The following RAD51B variants were observed in gnomAD, a reference collection of about 807,000 sequenced individuals.
RAD51B encodes the protein RAD51 paralog B.
Under a neutral mutation model 42.2 loss-of-function variants are expected in RAD51B, and 38 were observed. That is an observed-to-expected ratio of 0.90 (90% confidence interval 0.70 to 1.18). The LOEUF is 1.18. Ranked by LOEUF, RAD51B falls within the 50% of genes most tolerant of loss-of-function variation. The pLI is 0.00. For missense variants in RAD51B, 373 were observed against 400.7 expected (o/e 0.93, Z 0.59); for synonymous variants, 154 against 145.2 (o/e 1.06, Z -0.43).
intron 7 of RAD51B, among the ~76,000 whole-genome samples, chr14:68,108,262 C>T (rs2077406571): frequency 6.6e-6 from 1 of 151,904 alleles, no homozygotes; most frequent in South Asian, 2.1e-4. Flanking sequence ...GGCAATTCCA[C>T]ACCTAGGTAT....
intron 8 of RAD51B, among the ~76,000 whole-genome samples, chr14:68,352,437 T>C (rs1227810608): frequency 1.3e-5 from 2 of 152,254 alleles, no homozygotes; most frequent in Non-Finnish European, 2.9e-5. Context: ...TCTTCCACCT[T>C]ACCAATAGGT....
chr14:67,872,094 T>C (rs990088033), intron 5 of RAD51B, among the ~76,000 whole-genome samples: 26 of 151,172 alleles, frequency 1.7e-4, no homozygotes, highest in African/African-American at 5.1e-4. Context: ...TCAGGGCAAT[T>C]AGGCAGGAGA....
intron 8 of RAD51B, among the ~76,000 whole-genome samples, chr14:68,324,660 T>C (rs2082216789): frequency 6.6e-6 from 1 of 152,212 alleles, no homozygotes; most frequent in Non-Finnish European, 1.5e-5. Context: ...AATATAAAGT[T>C]TTTTTCTAGA....
At chr14:68,579,429 A>C (rs1890113555) in intron 10 of RAD51B, among the ~76,000 whole-genome samples, 1 of 152,244 alleles carries the variant, frequency 6.6e-6, no homozygotes, top group South Asian at 2.1e-4. Context: ...TCTTTGACCA[A>C]GTCCTGGGAG....
chr14:68,072,962 A>G (rs569225091), intron 7 of RAD51B, among the ~76,000 whole-genome samples: 62 of 152,282 alleles, frequency 4.1e-4, no homozygotes, highest in African/African-American at 1.4e-3. Flanking sequence ...TGTGTGGTCA[A>G]TTTTACAGTA....
intron 7 of RAD51B, among the ~76,000 whole-genome samples, chr14:68,211,911 C>G (rs1595558537): frequency 6.6e-6 from 1 of 152,184 alleles, no homozygotes; most frequent in African/African-American, 2.4e-5. Context: ...ATAGCAAATG[C>G]CTCCTATTAT....
At chr14:68,635,823 T>C (rs1208455440) in intron 10 of RAD51B, among the ~76,000 whole-genome samples, 4 of 152,196 alleles carry the variant, frequency 2.6e-5, no homozygotes, top group Admixed American at 2.6e-4. Flanking sequence ...TGGGCATAGT[T>C]GAGCTGGCTG....
chr14:67,928,517 T>G (rs545044391), intron 7 of RAD51B, among the ~76,000 whole-genome samples: 1 of 152,040 alleles, frequency 6.6e-6, no homozygotes, highest in Non-Finnish European at 1.5e-5. Context: ...ATGTGGCCCG[T>G]GAAAAACCTG....
At chr14:68,573,918 G>A (rs996373947) in intron 10 of RAD51B, among the ~76,000 whole-genome samples, 2 of 152,098 alleles carry the variant, frequency 1.3e-5, no homozygotes, top group African/African-American at 2.4e-5. Context: ...GGCTGAGCTT[G>A]AGCTTTTGTT....
intron 7 of RAD51B, among the ~76,000 whole-genome samples, chr14:67,916,292 T>G (rs1307836572): frequency 6.8e-6 from 1 of 146,748 alleles, no homozygotes; most frequent in Non-Finnish European, 1.5e-5. Flanking sequence ...TTCATTTTTG[T>G]TTTTTTTTGA....
At chr14:68,112,373 G>A (rs2077473178) in intron 7 of RAD51B, among the ~76,000 whole-genome samples, 1 of 152,006 alleles carries the variant, frequency 6.6e-6, no homozygotes, top group Non-Finnish European at 1.5e-5. Context: ...TGAAGATTTA[G>A]AATACAAATT....
intron 7 of RAD51B, among the ~76,000 whole-genome samples, chr14:68,001,329 G>C (rs1191535323): frequency 1.3e-5 from 2 of 151,854 alleles, no homozygotes; most frequent in East Asian, 3.9e-4. Context: ...TCTTATTCCT[G>C]ATTTCCGGAG....
intron 7 of RAD51B, among the ~76,000 whole-genome samples, chr14:68,177,526 C>A (rs1208733287): frequency 6.6e-6 from 1 of 152,034 alleles, no homozygotes; most frequent in Non-Finnish European, 1.5e-5. Flanking sequence ...ATGTGCTTAT[C>A]TTTTCTCTCA....
chr14:68,400,512 C>T (rs2084070077), intron 8 of RAD51B, among the ~76,000 whole-genome samples: 2 of 152,112 alleles, frequency 1.3e-5, no homozygotes, highest in Non-Finnish European at 2.9e-5. Flanking sequence ...AGATGGTGAC[C>T]ATGTATAATA....
At chr14:68,661,648 AG>A (rs796515850) in intron 11 of RAD51B, among the ~76,000 whole-genome samples, 2 of 152,344 alleles carry the variant, frequency 1.3e-5, no homozygotes, top group African/African-American at 4.8e-5. Context: ...GTTAGCATGA[AG>A]GGGGCGTGGC....
downstream of RAD51B, among the ~76,000 whole-genome samples, chr14:68,599,683 A>G (rs1262193509): frequency 6.6e-6 from 1 of 152,244 alleles, no homozygotes; most frequent in Non-Finnish European, 1.5e-5. Flanking sequence ...CAGATCAGGA[A>G]ATCGGTCTGG....
At chr14:68,414,485 C>A (rs969528588) in intron 9 of RAD51B, among the ~76,000 whole-genome samples, 32 of 151,992 alleles carry the variant, frequency 2.1e-4, no homozygotes, top group African/African-American at 7.5e-4. Context: ...TTGTTTTAAA[C>A]CATCGAAAAT....
chr14:68,537,724 A>G (rs1049027191), intron 10 of RAD51B, among the ~76,000 whole-genome samples: 1 of 152,132 alleles, frequency 6.6e-6, no homozygotes, highest in African/African-American at 2.4e-5. Flanking sequence ...TTTGAGTGAG[A>G]CCTTCACATA....
chr14:68,633,696 G>A (rs61987103), intron 10 of RAD51B, among the ~76,000 whole-genome samples: 10,970 of 152,344 alleles, frequency 0.072, 528 homozygotes, highest in South Asian at 0.14. Flanking sequence ...CAGCCAGGGC[G>A]ATCCTGAAGC....
Sources: gnomAD v4.1 joint callset for allele counts (sites outside exome capture counted in the v4.1 genomes callset) on GRCh38, gnomAD v4.1.1 for gene constraint, MANE v1.5 for transcripts, NCBI Gene and HGNC (gene_info 2026-07-23, HGNC 2026-07-21) for gene names.